The following USP40 variants were observed in gnomAD, a reference collection of about 807,000 sequenced individuals.
USP40 encodes the protein ubiquitin specific peptidase 40.
In USP40, 143 loss-of-function variants were observed where a neutral mutation model predicts 166.2. The ratio of observed to expected loss-of-function variants is 0.86; its 90% confidence interval spans 0.75 to 0.99. The LOEUF (loss-of-function observed/expected upper bound fraction) is 0.99, where lower values mean the gene tolerates loss of function less well. Among genes scored for constraint, USP40 ranks in the 50% least tolerant of loss-of-function variants. USP40 has a pLI of 0.00. For missense variants in USP40, 1,444 were observed against 1,479.7 expected (o/e 0.98, Z 0.40); for synonymous variants, 498 against 524.0 (o/e 0.95, Z 0.68).
At chr2:233,560,354 T>G (rs201975946) in intron 3 of USP40, among the ~76,000 whole-genome samples, 1 of 152,180 alleles carries the variant, frequency 6.6e-6, no homozygotes, top group South Asian at 2.1e-4. Context: ...TTCTCCTGGC[T>G]CCAAGTGAGT....
intron 5 of USP40, chr2:233,556,576 G>A (rs2071118372): frequency 1.6e-5 from 3 of 193,366 alleles, no homozygotes; most frequent in East Asian, 2.5e-4. Context: ...TCTCACATGA[G>A]GCCACAGTCT....
At chr2:233,524,465 G>A (rs1449830806) in intron 15 of USP40, 27 bp downstream of exon 15, 4 of 1,583,594 alleles carry the variant, frequency 2.5e-6, no homozygotes, top group Admixed American at 1.8e-5. Context: ...AAATTATCAC[G>A]AATATTTCTT....
chr2:233,556,254 C>T (rs935578135), intron 5 of USP40, among the ~76,000 whole-genome samples: 20 of 151,482 alleles, frequency 1.3e-4, no homozygotes, highest in African/African-American at 4.4e-4. Flanking sequence ...ATTTGTAGGG[C>T]AAACAGGATT....
intron 8 of USP40, among the ~76,000 whole-genome samples, chr2:233,544,560 T>C (rs1283611700): frequency 6.6e-6 from 1 of 151,980 alleles, no homozygotes; most frequent in African/African-American, 2.4e-5. Flanking sequence ...CATCTAAGAG[T>C]GACTTCATTA....
rs755215889 is a variant in USP40, at chr2:233,510,129, G to A, written c.2533C>T (p.Leu845=). Residue 845 remains leucine (L), a synonymous_variant, in exon 21 of 32, where the codon CTG becomes TTG. Transcript: ENST00000678225. ...ACGTCACTCCCCATTGCAAAAAACAGGAACAACTAATAACAAGACAGATGT... is the reference window on the plus strand; with the variant it reads ...ACGTCACTCCCCATTGCAAAAAACAAGAACAACTAATAACAAGACAGATGT... The part of the protein sequence containing the change: ...GKAPSSSQLF[L]FFAMGSDVQP... 2.1e-5 allele frequency: 33 copies of A among 1,599,340 alleles called. No homozygotes were observed. Among genetic ancestry groups the A allele is most frequent in the Non-Finnish European group, 2.1e-5 (25 of 1,171,790 alleles).
chr2:233,519,960 G>A (rs1050312643), intron 17 of USP40, among the ~76,000 whole-genome samples: 3 of 152,098 alleles, frequency 2.0e-5, no homozygotes, highest in Non-Finnish European at 2.9e-5. Context: ...AAAGAAACTA[G>A]CTGAAAGGCA....
chr2:233,505,878 T>C (rs1028004686), intron 21 of USP40, among the ~76,000 whole-genome samples: 1 of 152,052 alleles, frequency 6.6e-6, no homozygotes, highest in East Asian at 1.9e-4. Context: ...AAGAAAACTA[T>C]AGGCCAATAT....
intron 19 of USP40, 173 bp from the exon 20 acceptor site, chr2:233,511,970 T>C (rs541020249): frequency 1.8e-6 from 1 of 554,326 alleles, no homozygotes; most frequent in South Asian, 2.5e-5. Context: ...ATTTTCAATT[T>C]CCATACTCTT....
chr2:233,556,787 C>T (rs1001356627), intron 5 of USP40, 68 bp downstream of exon 5: 26 of 1,437,628 alleles, frequency 1.8e-5, no homozygotes, highest in Admixed American at 1.7e-4. Flanking sequence ...TGGTATATAT[C>T]ATACATTTAA....
chr2:233,551,419 T>A lies in USP40; in HGVS notation c.794A>T (p.Tyr265Phe), dbSNP rs780377509. The A allele has an allele frequency of 2.5e-6, 4 of 1,611,810 alleles. No individual in the cohort carries two copies. The part of the protein sequence containing the change: ...KCERYKETSC[Y>F]TFPLRINLKP... ...GAGATTAATCCGGAGAGGGAATGTA[T>A]AACAGCTAGTTTCCTTGTAGCGTTC... The change falls in exon 7 of 32, where the codon TAT becomes TTT. Residue 265 changes from tyrosine to phenylalanine, a missense_variant. Transcript: ENST00000678225.
At chr2:233,508,019 G>A (rs1484149364) in intron 21 of USP40, among the ~76,000 whole-genome samples, 1 of 151,770 alleles carries the variant, frequency 6.6e-6, no homozygotes, top group Non-Finnish European at 1.5e-5. Flanking sequence ...TTGGATTTTG[G>A]GATCAGGGAT....
At chr2:233,557,166 TG>T (rs1205266609) in intron 4 of USP40, 147 bp from the exon 5 acceptor site, 4 of 685,126 alleles carry the variant, frequency 5.8e-6, no homozygotes, top group Non-Finnish European at 9.6e-6. Flanking sequence ...CAAGCTGAGC[TG>T]GTTAAGAGAT....
At chr2:233,526,133 C>T (rs1223992040) in intron 13 of USP40, among the ~76,000 whole-genome samples, 1 of 152,150 alleles carries the variant, frequency 6.6e-6, no homozygotes, top group Non-Finnish European at 1.5e-5. Flanking sequence ...TCATTCCTAT[C>T]TAGTCATTCT....
chr2:233,562,904 C>T (rs1575355905), intron 2 of USP40, 101 bp from the exon 3 acceptor site: 1 of 822,388 alleles, frequency 1.2e-6, no homozygotes, highest in African/African-American at 1.8e-5. Flanking sequence ...CAAGTAGATT[C>T]AGAAATATGA....
intron 4 of USP40, among the ~76,000 whole-genome samples, chr2:233,558,236 A>AG (rs2071273726): frequency 6.6e-6 from 1 of 152,080 alleles, no homozygotes; most frequent in African/African-American, 2.4e-5. Context: ...CTGCAGGTCC[A>AG]GTCCTAGAGG....
chr2:233,481,513 A>G, intron 30 of USP40: 1 of 559,246 alleles, frequency 1.8e-6, no homozygotes, highest in East Asian at 3.0e-5. Context: ...ATTTCCAGCC[A>G]TCTGACCTTT....
At chr2:233,525,401 G>C in intron 14 of USP40, 77 bp downstream of exon 14, 2 of 1,028,688 alleles carry the variant, frequency 1.9e-6, no homozygotes, top group East Asian at 4.8e-5. Flanking sequence ...GACTGACAAA[G>C]AGTAGAAAAT....
chr2:233,483,581 C>T (rs1182312132), intron 30 of USP40, among the ~76,000 whole-genome samples: 5 of 152,140 alleles, frequency 3.3e-5, no homozygotes, highest in Non-Finnish European at 7.3e-5. Context: ...ACATTTAAGT[C>T]TTCAACTGGA....
chr2:233,560,799 A>ATTTT, intron 3 of USP40: 1 of 458,526 alleles, frequency 2.2e-6, no homozygotes, highest in Non-Finnish European at 3.9e-6. Context: ...ACTAGCCTCT[A>ATTTT]TTTTTTTTTG....
Sources: gnomAD v4.1 joint callset for allele counts (sites outside exome capture counted in the v4.1 genomes callset) on GRCh38, gnomAD v4.1.1 for gene constraint, MANE v1.5 for transcripts, NCBI Gene and HGNC (gene_info 2026-07-23, HGNC 2026-07-21) for gene names.